The following TOM1 variants were observed in gnomAD, a reference collection of about 807,000 sequenced individuals.
The protein encoded by TOM1 is target of myb1 membrane trafficking protein.
In TOM1, 38 loss-of-function variants were observed where a neutral mutation model predicts 61.3. The ratio of observed to expected loss-of-function variants is 0.62; its 90% CI spans 0.48 to 0.81. The LOEUF is 0.81. Ranked by LOEUF, TOM1 falls within the 40% of genes least tolerant of loss-of-function variation. The pLI, the probability that TOM1 is intolerant of heterozygous loss-of-function variation, is 0.00. For missense variants in TOM1, 591 were observed against 659.6 expected (o/e 0.90, Z 1.14); for synonymous variants, 270 against 268.8 (o/e 1.00, Z -0.04).
Position 35,347,070 on chromosome 22 carries a change from T to C in TOM1, c.1340T>C (p.Leu447Pro), listed in dbSNP as rs1344503620. ...GVTSEEFDKFLEERAKAADRL... is the reference protein window; with the variant it reads ...GVTSEEFDKFPEERAKAADRL... ...CTTCCTCTAGAATTTGACAAATTCC[T>C]GGAAGAACGGGCCAAAGCCGCGGAC... is the stretch of plus-strand genomic sequence containing the variant. Residue 447 changes from leucine (L) to proline (P), a missense_variant, in exon 15 of 15, where the codon CTG becomes CCG. Physicochemically the swap from Leu to Pro is moderately conservative, Grantham distance 98. Coordinates refer to ENST00000449058, the MANE Select transcript of TOM1 (RefSeq NM_005488.3). The C allele has an allele frequency of 1.3e-6, 2 of 1,567,290 alleles. No individual in the cohort carries two copies. Among genetic ancestry groups the C allele is most frequent in the Non-Finnish European group, 1.7e-6 (2 of 1,150,106 alleles).
At chr22:35,343,033 C>CCT (rs1930037160) in intron 12 of TOM1, among the ~76,000 whole-genome samples, 1 of 143,092 alleles carries the variant, frequency 7.0e-6, no homozygotes, top group African/African-American at 2.6e-5. Context: ...ACCACACACA[C>CCT]CTCCACACAC....
intron 1 of TOM1, among the ~76,000 whole-genome samples, chr22:35,302,936 A>G (rs2145599790): frequency 6.6e-6 from 1 of 152,288 alleles, no homozygotes; most frequent in South Asian, 2.1e-4. Flanking sequence ...AGCTGCTTAT[A>G]ATTCTGTAAA....
Position 35,334,374 on chromosome 22 carries a change from C to T in TOM1, c.1074C>T (p.Ala358=), listed in dbSNP as rs751075456. 20 of 1,614,044 alleles carry T rather than the reference C, an allele frequency of 1.2e-5. No individual in the cohort carries two copies. In the Middle Eastern group the frequency reaches 4.9e-4, roughly 40 times the overall value. The stretch of plus-strand genomic sequence containing the variant: ...GAGCTGGCCTGCAGTCTCTGGAGGC[C>T]TCTGGTCGACTGGAAGATGAGTTTG... The part of the protein sequence containing the change: ...SVRAGLQSLE[A]SGRLEDEFDM... Residue 358 remains alanine (A), a synonymous_variant, in exon 11 of 15, where the codon GCC becomes GCT. Coordinates refer to ENST00000449058, the MANE Select transcript of TOM1 (RefSeq NM_005488.3).
Position 35,347,535 on chromosome 22 carries a change from A to T in TOM1, c.*326A>T, listed in dbSNP as rs1297409040. On this transcript the variant is annotated 3_prime_UTR_variant, in exon 15 of 15. Coordinates refer to ENST00000449058, the MANE Select transcript of TOM1 (RefSeq NM_005488.3). ...GCTTGACCCAGTGTGACTCTCCTTC[A>T]CTGAGTGATACCCTGCTCCGGGCCC... 1 of 241,862 alleles carries T rather than the reference A, an allele frequency of 4.1e-6. No homozygotes were observed. The highest frequency in any genetic ancestry group is 2.3e-5 in the African/African-American group (1 of 44,378). 15.0% of individuals were successfully genotyped at this position (241,862 alleles called of 1,614,324 possible).
At chr22:35,309,782 G>T (rs1926660502) in intron 1 of TOM1, among the ~76,000 whole-genome samples, 1 of 152,052 alleles carries the variant, frequency 6.6e-6, no homozygotes, top group Admixed American at 6.5e-5. Context: ...GACCACATTG[G>T]TTTCATCCTC....
chr22:35,302,904 G>T (rs1925967353), intron 1 of TOM1, among the ~76,000 whole-genome samples: 1 of 152,224 alleles, frequency 6.6e-6, no homozygotes, highest in Admixed American at 6.5e-5. Flanking sequence ...CTCCCTGGCT[G>T]TGATTACTGA....
At position 35,338,923 on chromosome 22, in the gene TOM1, C is replaced by G. The variant is rs942109218; in HGVS notation, c.1224+135C>G. 1.2e-6 allele frequency: 1 copy of G among 830,980 alleles called. No homozygotes were observed. The highest frequency in any genetic ancestry group is 1.8e-5 in the African/African-American group (1 of 56,980). The allele number at this position is 830,980 out of a possible 1,614,324, so 51.5% of individuals were successfully genotyped here. A position where few individuals can be genotyped will look rare whatever the true frequency, so the allele number is the denominator to read the frequency against. On this transcript the variant is annotated intron_variant, in intron 12 of 14. Coordinates refer to ENST00000449058, the MANE Select transcript of TOM1 (RefSeq NM_005488.3). ...GCCCTTCCTCGTTTGGCCGTCAGGTCGGTTCTTTTTGGCTAGTGTGGTTAT... is the reference window on the plus strand; with the variant it reads ...GCCCTTCCTCGTTTGGCCGTCAGGTGGGTTCTTTTTGGCTAGTGTGGTTAT...
At chr22:35,306,155 C>G (rs993622461) in intron 1 of TOM1, among the ~76,000 whole-genome samples, 13 of 150,228 alleles carry the variant, frequency 8.7e-5, no homozygotes, top group Non-Finnish European at 1.9e-4. Context: ...TTTTTTTTTT[C>G]CCAACTATTT....
chr22:35,323,469 C>G lies in TOM1; in HGVS notation c.367-27C>G, dbSNP rs561143777. 6.2e-7 allele frequency: 1 copy of G among 1,611,998 alleles called. No homozygotes were observed. ...AGGCTCACAGGTGAGCTGTGGTTAC[C>G]GGCTGTGTCCCCTTGTCCCCTCTCA... On this transcript the variant is annotated intron_variant, in intron 4 of 14. Transcript: ENST00000449058. This position sits in a 1 kb window ranked among gnomAD's most constrained non-coding sequence, Gnocchi z 4.2.
intron 3 of TOM1, chr22:35,322,269 C>T: frequency 4.0e-6 from 2 of 503,920 alleles, no homozygotes; most frequent in Non-Finnish European, 3.5e-6. Flanking sequence ...TACATCACTC[C>T]AGAACCACTG....
Position 35,332,960 on chromosome 22 carries a change from C to T in TOM1, c.900-21C>T, listed in dbSNP as rs199657947. On this transcript the variant is annotated intron_variant, in intron 8 of 14. Transcript: ENST00000449058. ...CCTGTCTCAGTCTGTCTCCATAACTCGTGTCTTTTCTGTCTTGTAGGTTTG... is the reference window on the plus strand; with the variant it reads ...CCTGTCTCAGTCTGTCTCCATAACTTGTGTCTTTTCTGTCTTGTAGGTTTG... The T allele has an allele frequency of 1.0e-4, 164 of 1,614,028 alleles. 1 individual carries two copies. The African/African-American group carries it at 1.5e-3, about 15-fold the overall frequency.
Position 35,323,300 on chromosome 22 carries a change from C to T in TOM1, c.366+123C>T, listed in dbSNP as rs142487449. The T allele has an allele frequency of 2.5e-4, 367 of 1,444,758 alleles. 2 individuals are homozygous for T. In the African/African-American group the frequency reaches 4.5e-3, roughly 18 times the overall value. 89.5% of individuals were successfully genotyped at this position (1,444,758 alleles called of 1,614,324 possible). A position where few individuals can be genotyped will look rare whatever the true frequency, so the allele number is the denominator to read the frequency against. ...CTCCGCTTCTCATTTCGGGGCGTCTCGGTTGTCGGCTGGTGGGATGTTCTG... is the reference window on the plus strand; with the variant it reads ...CTCCGCTTCTCATTTCGGGGCGTCTTGGTTGTCGGCTGGTGGGATGTTCTG... On this transcript the variant is annotated intron_variant, in intron 4 of 14. Coordinates refer to ENST00000449058, the MANE Select transcript of TOM1 (RefSeq NM_005488.3). This position sits in a 1 kb window ranked among gnomAD's most constrained non-coding sequence, Gnocchi z 4.2.
intron 1 of TOM1, among the ~76,000 whole-genome samples, chr22:35,309,488 A>G (rs1433708345): frequency 6.6e-6 from 1 of 152,128 alleles, no homozygotes; most frequent in Admixed American, 6.5e-5. Flanking sequence ...TACTAAAAAT[A>G]CAAACATTAG....
intron 1 of TOM1, among the ~76,000 whole-genome samples, chr22:35,301,542 C>CG (rs1925788480): frequency 6.6e-6 from 1 of 152,222 alleles, no homozygotes; most frequent in Non-Finnish European, 1.5e-5. Context: ...AATTACTCTT[C>CG]ATCTTTTTTG....
chr22:35,304,641 G>A (rs985490897), intron 1 of TOM1, among the ~76,000 whole-genome samples: 1 of 152,110 alleles, frequency 6.6e-6, no homozygotes, highest in Non-Finnish European at 1.5e-5. Context: ...ACCACACCTG[G>A]CTAATTTTTT....
At chr22:35,339,959 T>C (rs1929740889) in intron 12 of TOM1, among the ~76,000 whole-genome samples, 1 of 151,902 alleles carries the variant, frequency 6.6e-6, no homozygotes. Context: ...GAGGGTGCTC[T>C]TTGAATTCCG....
intron 8 of TOM1, 64 bp downstream of exon 8, chr22:35,330,544 C>A: frequency 6.7e-7 from 1 of 1,484,616 alleles, no homozygotes; most frequent in South Asian, 1.3e-5. Flanking sequence ...CCCTTCCTCC[C>A]TGTTCTCCTG....
chr22:35,331,478 T>C (rs1031076862), intron 8 of TOM1: 11 of 350,986 alleles, frequency 3.1e-5, no homozygotes, highest in African/African-American at 2.4e-4. Context: ...CTGAGCTTCA[T>C]TGTGCCTACC....
intron 1 of TOM1, among the ~76,000 whole-genome samples, chr22:35,308,275 C>CTTTTT (rs138770): frequency 4.6e-5 from 6 of 129,438 alleles, no homozygotes; most frequent in Non-Finnish European, 8.3e-5. Flanking sequence ...TTCCTTTTCT[C>CTTTTT]TTTTTTTTTT....
Sources: gnomAD v4.1 joint callset for allele counts (sites outside exome capture counted in the v4.1 genomes callset) on GRCh38, gnomAD v4.1.1 for gene constraint, Gnocchi (gnomAD v3.1) non-coding constraint, MANE v1.5 for transcripts, NCBI Gene and HGNC (gene_info 2026-07-23, HGNC 2026-07-21) for gene names.